The following TMEM154 variants were observed in gnomAD, a reference collection of about 807,000 sequenced individuals.
The protein encoded by TMEM154 is transmembrane protein 154.
In TMEM154, 27 loss-of-function variants were observed where a neutral mutation model predicts 24.5. That is an observed-to-expected ratio of 1.10 (90% CI 0.81 to 1.52). The LOEUF (loss-of-function observed/expected upper bound fraction) is 1.52. Ranked by LOEUF, TMEM154 falls within the 40% of genes most tolerant of loss-of-function variation. The pLI is 0.00. For missense variants in TMEM154, 228 were observed against 213.4 expected (o/e 1.07, Z -0.43); for synonymous variants, 67 against 76.8 (o/e 0.87, Z 0.67).
At chr4:152,678,944 TC>T (rs1290361011) in intron 1 of TMEM154, among the ~76,000 whole-genome samples, 1 of 152,200 alleles carries the variant, frequency 6.6e-6, no homozygotes, top group African/African-American at 2.4e-5. Flanking sequence ...GGGGCTGATG[TC>T]CCTCATTCTA....
At chr4:152,657,897 A>G (rs904284909) in intron 1 of TMEM154, among the ~76,000 whole-genome samples, 1 of 152,240 alleles carries the variant, frequency 6.6e-6, no homozygotes, top group Non-Finnish European at 1.5e-5. Flanking sequence ...CTTCAAAAAC[A>G]AAGGAAAAAC....
chr4:152,637,846 A>G (rs971176424), intron 6 of TMEM154, among the ~76,000 whole-genome samples: 1 of 152,262 alleles, frequency 6.6e-6, no homozygotes, highest in Admixed American at 6.5e-5. Context: ...AGATACTCAA[A>G]GTAAACATTT....
At chr4:152,634,771 T>G (rs527480034) in intron 6 of TMEM154, among the ~76,000 whole-genome samples, 1 of 152,214 alleles carries the variant, frequency 6.6e-6, no homozygotes, top group Non-Finnish European at 1.5e-5. Flanking sequence ...AAGCTCAGAT[T>G]TGAGAGAATC....
chr4:152,633,301 T>C (rs1752086056), intron 6 of TMEM154, among the ~76,000 whole-genome samples: 1 of 152,140 alleles, frequency 6.6e-6, no homozygotes, highest in South Asian at 2.1e-4. Flanking sequence ...ACTCCCAGAG[T>C]GTAGCAGCTC....
chr4:152,664,205 T>C (rs1579532553), intron 1 of TMEM154, among the ~76,000 whole-genome samples: 1 of 152,100 alleles, frequency 6.6e-6, no homozygotes, highest in African/African-American at 2.4e-5. Context: ...TAAAAAAGAA[T>C]GAGATCAGGC....
intron 6 of TMEM154, among the ~76,000 whole-genome samples, chr4:152,634,762 A>G (rs899788362): frequency 1.3e-5 from 2 of 152,220 alleles, no homozygotes; most frequent in Non-Finnish European, 2.9e-5. Context: ...CATAATATCA[A>G]GCTCAGATTT....
chr4:152,633,198 C>T (rs1220386477), intron 6 of TMEM154, among the ~76,000 whole-genome samples: 1 of 152,246 alleles, frequency 6.6e-6, no homozygotes, highest in African/African-American at 2.4e-5. Context: ...GGAAAAGAAG[C>T]TCAAGCTATG....
chr4:152,641,661 CT>C (rs5863014), intron 5 of TMEM154, among the ~76,000 whole-genome samples: 15,704 of 126,846 alleles, frequency 0.12, 581 homozygotes, highest in Non-Finnish European at 0.16. Context: ...TTTCTTCTAC[CT>C]TTTTTTTTTT....
chr4:152,635,856 C>A (rs1752138475), intron 6 of TMEM154, among the ~76,000 whole-genome samples: 3 of 152,184 alleles, frequency 2.0e-5, no homozygotes, highest in South Asian at 4.1e-4. Flanking sequence ...TTGAGCAGAA[C>A]CACATCTAAT....
intron 6 of TMEM154, among the ~76,000 whole-genome samples, chr4:152,632,889 C>T (rs1465515141): frequency 6.6e-6 from 1 of 152,156 alleles, no homozygotes; most frequent in African/African-American, 2.4e-5. Flanking sequence ...ACATACATAA[C>T]ATACCATGAG....
chr4:152,644,169 T>C (rs1313140143), intron 4 of TMEM154, among the ~76,000 whole-genome samples: 1 of 152,214 alleles, frequency 6.6e-6, no homozygotes, highest in Non-Finnish European at 1.5e-5. Context: ...AGGATTCTTT[T>C]CTGAATGTAG....
rs187762240 is a variant in TMEM154 at position 152,662,539 on chromosome 4, C to A, written c.65-9612G>T. Among the ~76,000 whole-genome samples the A allele has an allele frequency of 7.6e-4, 116 of 152,216 alleles. 1 individual carries two copies. Among genetic ancestry groups the A allele is most frequent in the Admixed American group, 1.6e-3 (25 of 15,292 alleles). On this transcript the variant is annotated intron_variant, in intron 1 of 6. Coordinates refer to ENST00000304385, the MANE Select transcript of TMEM154 (RefSeq NM_152680.3). ...GAAGAAAATCAGAAGTGTACACCAACAAGGTGGAAACCAGAGGAGGTGCCA... is the reference window on the plus strand; with the variant it reads ...GAAGAAAATCAGAAGTGTACACCAAAAAGGTGGAAACCAGAGGAGGTGCCA...
intron 1 of TMEM154, among the ~76,000 whole-genome samples, chr4:152,657,807 A>C (rs1171598581): frequency 6.6e-6 from 1 of 152,222 alleles, no homozygotes; most frequent in Non-Finnish European, 1.5e-5. Flanking sequence ...CAGGGTAATA[A>C]AGTCAAAGGG....
At position 152,628,657 on chromosome 4, in the gene TMEM154, G is replaced by A. The variant is rs188417142; in HGVS notation, c.537-96C>T. ...TTCTTTCTTTTTTTTTTTTTTTTGA[G>A]ACGGAGTCTGGCTCCGTCGCCCAGG... On this transcript the variant is annotated intron_variant, in intron 6 of 6. Transcript: ENST00000304385. The A allele has an allele frequency of 2.0e-4, 253 of 1,239,242 alleles. 1 individual carries two copies. The East Asian group carries it at 7.5e-3, about 37-fold the overall frequency. The allele number at this position is 1,239,242 out of a possible 1,614,324, so 76.8% of individuals were successfully genotyped here.
At chr4:152,632,053 C>T (rs150497286) in intron 6 of TMEM154, among the ~76,000 whole-genome samples, 30 of 152,018 alleles carry the variant, frequency 2.0e-4, no homozygotes, top group African/African-American at 6.3e-4. Context: ...GTGATCCGCC[C>T]GCCTCGGCCT....
chr4:152,653,895 T>C (rs945626138), intron 1 of TMEM154, among the ~76,000 whole-genome samples: 5 of 151,330 alleles, frequency 3.3e-5, no homozygotes, highest in Admixed American at 2.6e-4. Flanking sequence ...AAAAATTAGC[T>C]GGGCGTGGTG....
chr4:152,643,585 A>G (rs1752298823), intron 4 of TMEM154, among the ~76,000 whole-genome samples: 1 of 152,236 alleles, frequency 6.6e-6, no homozygotes, highest in African/African-American at 2.4e-5. Context: ...CCCCAGGTCA[A>G]GAGGCCACTG....
chr4:152,625,718 A>T lies in TMEM154; in HGVS notation c.*2828T>A, dbSNP rs1213403906. ...AAAAAAAAGTCAGGTGAGAAGAAGT[A>T]GCACATAGTGAAAATGAATATAATA... is the stretch of plus-strand genomic sequence containing the variant. On this transcript the variant is annotated 3_prime_UTR_variant, in exon 7 of 7. Coordinates refer to ENST00000304385, the MANE Select transcript of TMEM154 (RefSeq NM_152680.3). 6.6e-6 allele frequency: 1 copy of T among 150,760 alleles called. No individual in the cohort carries two copies. The highest frequency in any genetic ancestry group is 6.6e-5 in the Admixed American group (1 of 15,110). 9.3% of individuals were successfully genotyped at this position (150,760 alleles called of 1,614,324 possible). A position where few individuals can be genotyped will look rare whatever the true frequency, so the allele number is the denominator to read the frequency against.
intron 6 of TMEM154, among the ~76,000 whole-genome samples, chr4:152,630,503 A>G (rs989846381): frequency 4.6e-5 from 7 of 152,140 alleles, no homozygotes; most frequent in African/African-American, 1.7e-4. Flanking sequence ...GAATATTTGA[A>G]AGATCCAGGA....
Sources: gnomAD v4.1 joint callset for allele counts (sites outside exome capture counted in the v4.1 genomes callset) on GRCh38, gnomAD v4.1.1 for gene constraint, MANE v1.5 for transcripts, NCBI Gene and HGNC (gene_info 2026-07-23, HGNC 2026-07-21) for gene names.